The following CCND2 variants were observed in gnomAD, a reference collection of about 807,000 sequenced individuals.
The protein encoded by CCND2 is G1/S-specific cyclin-D2.
Under a neutral mutation model 30.2 loss-of-function variants are expected in CCND2, and 6 were observed. That is an observed-to-expected ratio of 0.20 (90% confidence interval 0.11 to 0.39). The LOEUF (loss-of-function observed/expected upper bound fraction) is 0.39, where lower values mean the gene tolerates loss of function less well. Ranked by LOEUF, CCND2 falls within the 10% of genes least tolerant of loss-of-function variation. CCND2 has a pLI of 1.00. For missense variants in CCND2, 235 were observed against 373.4 expected (o/e 0.63, Z 3.06); for synonymous variants, 150 against 153.1 (o/e 0.98, Z 0.15).
In CCND2 at chr12:4,288,905, G is replaced by T; in HGVS notation, c.635G>T (p.Cys212Phe). 2 of 1,613,884 alleles carry T rather than the reference G, an allele frequency of 1.2e-6. No homozygotes were observed. Among genetic ancestry groups the T allele is most frequent in the Non-Finnish European group, 1.7e-6 (2 of 1,179,928 alleles). ...ACTGGAAGTGTGGGAGCAGCCATCTGTGGGCTCCAGCAGGATGAGGAAGTG... is the reference window on the plus strand; with the variant it reads ...ACTGGAAGTGTGGGAGCAGCCATCTTTGGGCTCCAGCAGGATGAGGAAGTG... ...IATGSVGAAI[C>F]GLQQDEEVSS... Residue 212 changes from cysteine (C) to phenylalanine (F), a missense_variant, in exon 4 of 5, where the codon TGT (cysteine) becomes TTT (phenylalanine). This residue lies in a region of CCND2 where 178 missense variants were observed against 322.8 expected (regional missense o/e 0.55). Transcript: ENST00000261254.
At chr12:4,291,143 G>A (rs1286778807) in intron 4 of CCND2, among the ~76,000 whole-genome samples, 3 of 151,156 alleles carry the variant, frequency 2.0e-5, no homozygotes, top group South Asian at 2.1e-4. Context: ...CTGGCACCCC[G>A]GAGGCTGGTT....
At chr12:4,283,257 G>A (rs1393339778) in intron 3 of CCND2, among the ~76,000 whole-genome samples, 4 of 152,204 alleles carry the variant, frequency 2.6e-5, no homozygotes, top group African/African-American at 9.6e-5. Flanking sequence ...GGCATCCTTG[G>A]GAGGATAAGC....
chr12:4,278,515 A>C (rs1469962614), intron 2 of CCND2, among the ~76,000 whole-genome samples: 1 of 152,134 alleles, frequency 6.6e-6, no homozygotes, highest in Admixed American at 6.5e-5. Context: ...AGAAAATAGA[A>C]TCTTGGCAAC....
chr12:4,275,985 C>G lies in CCND2; in HGVS notation c.196-20C>G. 2 of 1,486,534 alleles carry G rather than the reference C, an allele frequency of 1.3e-6. No homozygotes were observed. Among genetic ancestry groups the G allele is most frequent in the East Asian group, 2.3e-5 (1 of 42,630 alleles). 92.1% of individuals were successfully genotyped at this position (1,486,534 alleles called of 1,614,324 possible). Reference sequence around the variant, plus strand: ...TGCTCTCCACCCCCGCCCCCCAACCCTTTCCCACTCCCATTATAGGTCTGT... The same window carrying G: ...TGCTCTCCACCCCCGCCCCCCAACCGTTTCCCACTCCCATTATAGGTCTGT... On this transcript the variant is annotated intron_variant, in intron 1 of 4. Coordinates refer to ENST00000261254, the MANE Select transcript of CCND2 (RefSeq NM_001759.4).
rs2120522758 is a variant in CCND2, at chr12:4,276,078, G to T, written c.269G>T (p.Gly90Val). ...AATTACCTGGACCGTTTCTTGGCTG[G>T]GGTCCCGACTCCGAAGTCCCATCTG... ...AMNYLDRFLA[G>V]VPTPKSHLQL... The change falls in exon 2 of 5, where the codon GGG becomes GTG. Residue 90 changes from glycine (G) to valine (V), a missense_variant. Around this residue, in one of 2 missense-constraint regions of CCND2, gnomAD observed 178 missense variants for 322.8 expected, o/e 0.55. Coordinates refer to ENST00000261254, the MANE Select transcript of CCND2 (RefSeq NM_001759.4). The surrounding 1 kb of genome is among the most constrained non-coding windows in gnomAD (Gnocchi z 4.8). 1 of 1,613,724 alleles carries T rather than the reference G, an allele frequency of 6.2e-7. No homozygotes were observed. The highest frequency in any genetic ancestry group is 8.5e-7 in the Non-Finnish European group (1 of 1,179,948).
At chr12:4,279,448 T>C (rs1229828350) in intron 3 of CCND2, among the ~76,000 whole-genome samples, 2 of 151,980 alleles carry the variant, frequency 1.3e-5, no homozygotes, top group Admixed American at 1.3e-4. Flanking sequence ...TGTTTGCTTC[T>C]CTAGCTGTTT....
intron 4 of CCND2, among the ~76,000 whole-genome samples, chr12:4,297,451 A>C (rs1864186516): frequency 6.6e-6 from 1 of 151,692 alleles, no homozygotes; most frequent in Non-Finnish European, 1.5e-5. Flanking sequence ...CGTGCCTATA[A>C]TCCCAGCTGC....
At position 4,301,684 on chromosome 12, in the gene CCND2, G is replaced by GTT. The variant is rs34569142; in HGVS notation, c.*1689_*1690dup. ...TTTTAATTTTGTTTTGTTCAGTTTG[G>GTT]TTTTTTTTTTTTTTTGCGCTGCTAA... On this transcript the variant is annotated 3_prime_UTR_variant, in exon 5 of 5. Transcript: ENST00000261254. The GTT allele has an allele frequency of 1.8e-3, 340 of 186,094 alleles. No individual in the cohort carries two copies. The highest frequency in any genetic ancestry group is 2.6e-3 in the Non-Finnish European group (242 of 93,560). 11.5% of individuals were successfully genotyped at this position (186,094 alleles called of 1,614,324 possible).
Position 4,300,166 on chromosome 12 carries a change from A to G in CCND2, c.*157A>G. 14 of 706,184 alleles carry G rather than the reference A, an allele frequency of 2.0e-5. No homozygotes were observed. The highest frequency in any genetic ancestry group is 4.8e-5 in the South Asian group (2 of 41,578). 43.7% of individuals were successfully genotyped at this position (706,184 alleles called of 1,614,324 possible). A position where few individuals can be genotyped will look rare whatever the true frequency, so the allele number is the denominator to read the frequency against. ...AAGATCTTTTAGAAGTGAGAGAAAA[A>G]GGTCCTACGAAAACGGAATAATAAA... is the stretch of plus-strand genomic sequence containing the variant. On this transcript the variant is annotated 3_prime_UTR_variant, in exon 5 of 5. Coordinates refer to ENST00000261254, the MANE Select transcript of CCND2 (RefSeq NM_001759.4).
rs1445814673 is a variant in CCND2 at position 4,287,343 on chromosome 12, T to A, written c.572-1499T>A. 6.6e-6 allele frequency among the ~76,000 whole-genome samples: 1 copy of A among 152,176 alleles called. No individual in the cohort carries two copies. Among genetic ancestry groups the A allele is most frequent in the African/African-American group, 2.4e-5 (1 of 41,438 alleles). On this transcript the variant is annotated intron_variant, in intron 3 of 4. Transcript: ENST00000261254. This position sits in a 1 kb window ranked among gnomAD's most constrained non-coding sequence, Gnocchi z 4.0. ...ATTAAAAGAGCTGCTGTAGAAAGTGTGTTTGTAATAGAGTGTGTACAGGAG... is the reference window on the plus strand; with the variant it reads ...ATTAAAAGAGCTGCTGTAGAAAGTGAGTTTGTAATAGAGTGTGTACAGGAG...
Position 4,274,021 on chromosome 12 carries a change from G to A in CCND2, c.-20G>A, listed in dbSNP as rs1038780509. On this transcript the variant is annotated 5_prime_UTR_variant, in exon 1 of 5. Coordinates refer to ENST00000261254, the MANE Select transcript of CCND2 (RefSeq NM_001759.4). This position sits in a 1 kb window ranked among gnomAD's most constrained non-coding sequence, Gnocchi z 7.7. The stretch of plus-strand genomic sequence containing the variant: ...TCCAGGCCGGGGAAAGCAGGAGGGA[G>A]AGGGGCCGCCGGGCTGGCCATGGAG... 1 of 1,605,026 alleles carries A rather than the reference G, an allele frequency of 6.2e-7. No homozygotes were observed. The highest frequency in any genetic ancestry group is 8.5e-7 in the Non-Finnish European group (1 of 1,175,290).
chr12:4,290,739 G>C (rs762646095), intron 4 of CCND2, among the ~76,000 whole-genome samples: 3 of 152,186 alleles, frequency 2.0e-5, no homozygotes, highest in East Asian at 1.9e-4. Flanking sequence ...TTCCCTCCTG[G>C]GAGTTGCTGC....
Position 4,274,644 on chromosome 12 carries a change from G to T in CCND2, c.195+409G>T, listed in dbSNP as rs1008697885. 6.6e-6 allele frequency among the ~76,000 whole-genome samples: 1 copy of T among 152,196 alleles called. No homozygotes were observed. The highest frequency in any genetic ancestry group is 1.5e-5 in the Non-Finnish European group (1 of 68,036). Reference sequence around the variant, plus strand: ...AAAGGCAACCCCCCCCAAAAGGCCAGAGCAAATTCGTCTTGGCCTCAGGTC... The same window carrying T: ...AAAGGCAACCCCCCCCAAAAGGCCATAGCAAATTCGTCTTGGCCTCAGGTC... On this transcript the variant is annotated intron_variant, in intron 1 of 4. Transcript: ENST00000261254. This position sits in a 1 kb window ranked among gnomAD's most constrained non-coding sequence, Gnocchi z 7.7.
Position 4,304,311 on chromosome 12 carries a change from A to G in CCND2, c.*4302A>G, listed in dbSNP as rs767423802. On this transcript the variant is annotated 3_prime_UTR_variant, in exon 5 of 5. Transcript: ENST00000261254. The surrounding 1 kb of genome is among the most constrained non-coding windows in gnomAD (Gnocchi z 6.2). ...AAGGATTCCTCTTTGTTTATCTCTG[A>G]GACAGTCCAACCTTGAGAATAGCTT... is the stretch of plus-strand genomic sequence containing the variant. 1.3e-5 allele frequency: 3 copies of G among 233,526 alleles called. No homozygotes were observed. The highest frequency in any genetic ancestry group is 5.6e-5 in the Admixed American group (1 of 17,780). 14.5% of individuals were successfully genotyped at this position (233,526 alleles called of 1,614,324 possible). A position where few individuals can be genotyped will look rare whatever the true frequency, so the allele number is the denominator to read the frequency against.
rs1248153157 is a variant in CCND2 at position 4,305,080 on chromosome 12, T to G, written c.*5071T>G. ...CTCACAGTGTACTCTATAAGAGGTG[T>G]GGGTGTCTGTTTGGTCAGGATGTTA... On this transcript the variant is annotated 3_prime_UTR_variant, in exon 5 of 5. Transcript: ENST00000261254. This position sits in a 1 kb window ranked among gnomAD's most constrained non-coding sequence, Gnocchi z 6.4. 1 of 233,136 alleles carries G rather than the reference T, an allele frequency of 4.3e-6. No individual in the cohort carries two copies. Among genetic ancestry groups the G allele is most frequent in the African/African-American group, 2.2e-5 (1 of 45,208 alleles). The allele number at this position is 233,136 out of a possible 1,614,324, so 14.4% of individuals were successfully genotyped here. A position where few individuals can be genotyped will look rare whatever the true frequency, so the allele number is the denominator to read the frequency against.
intron 4 of CCND2, among the ~76,000 whole-genome samples, chr12:4,296,762 G>T (rs1864175430): frequency 6.6e-6 from 1 of 151,804 alleles, no homozygotes; most frequent in Non-Finnish European, 1.5e-5. Flanking sequence ...TCCCTGTACA[G>T]TGGAGGAACA....
chr12:4,279,050 A>C (rs1481589286), intron 3 of CCND2, 131 bp downstream of exon 3: 2 of 826,790 alleles, frequency 2.4e-6, no homozygotes, highest in Non-Finnish European at 3.6e-6. Flanking sequence ...TGAGTAGTCT[A>C]AAGTCTGAAG....
At chr12:4,278,337 CTA>C (rs1326670723) in intron 2 of CCND2, among the ~76,000 whole-genome samples, 2 of 152,060 alleles carry the variant, frequency 1.3e-5, no homozygotes, top group East Asian at 1.9e-4. Context: ...ATTAAAAAGA[CTA>C]TTAATTCGGT....
At chr12:4,280,224 A>C (rs1053556918) in intron 3 of CCND2, among the ~76,000 whole-genome samples, 4 of 152,274 alleles carry the variant, frequency 2.6e-5, no homozygotes, top group Non-Finnish European at 5.9e-5. Flanking sequence ...ACTAATTGTG[A>C]AAATGCTACC....
Sources: allele counts gnomAD v4.1 joint callset (sites outside exome capture counted in the v4.1 genomes callset), GRCh38; gene constraint gnomAD v4.1.1; regional missense constraint gnomAD v4.1.1; non-coding constraint Gnocchi (gnomAD v3.1); transcripts MANE v1.5; gene names NCBI Gene and HGNC (gene_info 2026-07-23, HGNC 2026-07-21).